ALPL: variants seen among roughly 807,000 people sequenced by gnomAD.
ALPL encodes the protein alkaline phosphatase, tissue-nonspecific isozyme.
Under a neutral mutation model 51.3 loss-of-function variants are expected in ALPL, and 42 were observed. The observed-to-expected ratio is 0.82, with a 90% confidence interval of 0.64 to 1.06. The LOEUF is 1.06. ALPL is among the 50% of genes least tolerant of loss of function. The pLI is 0.00. For synonymous variants in ALPL, 279 were observed against 296.4 expected, an observed-to-expected ratio of 0.94 and a Z score of 0.60; for missense variants, 589 against 709.4, an observed-to-expected ratio of 0.83 and a Z score of 1.93.
intron 5 of ALPL, among the ~76,000 whole-genome samples, chr1:21,563,781 G>A (rs1374016562): frequency 6.6e-6 from 1 of 152,152 alleles, no homozygotes; most frequent in South Asian, 2.1e-4. Context: ...TTGATGAAGG[G>A]GAGGACTCCA....
intron 1 of ALPL, among the ~76,000 whole-genome samples, chr1:21,543,234 G>T (rs1276959953): frequency 2.6e-5 from 4 of 152,056 alleles, no homozygotes; most frequent in African/African-American, 4.8e-5. Flanking sequence ...TTATTTAGGG[G>T]GCTGTTATGT....
intron 2 of ALPL, among the ~76,000 whole-genome samples, chr1:21,558,136 C>T (rs188042280): frequency 1.0e-3 from 155 of 152,362 alleles, no homozygotes; most frequent in African/African-American, 3.4e-3. Flanking sequence ...TTCTCAGGGA[C>T]AGGCCCTGGG....
intron 1 of ALPL, among the ~76,000 whole-genome samples, chr1:21,544,842 A>T (rs952004576): frequency 1.3e-5 from 2 of 152,238 alleles, no homozygotes; most frequent in African/African-American, 4.8e-5. Context: ...CACTTGTGCT[A>T]AATGTGATAT....
At chr1:21,551,110 C>G (rs532925189) in intron 1 of ALPL, among the ~76,000 whole-genome samples, 4 of 152,176 alleles carry the variant, frequency 2.6e-5, no homozygotes, top group Non-Finnish European at 5.9e-5. Context: ...GGTAGTTAAA[C>G]ATCTTCACGA....
chr1:21,530,918 C>A (rs908778609), intron 1 of ALPL, among the ~76,000 whole-genome samples: 3 of 150,102 alleles, frequency 2.0e-5, no homozygotes, highest in African/African-American at 7.4e-5. Context: ...GTAGCTGGGA[C>A]CACAGGCGTG....
intron 1 of ALPL, among the ~76,000 whole-genome samples, chr1:21,552,744 GTTTTA>G (rs950420788): frequency 1.3e-5 from 2 of 152,122 alleles, no homozygotes; most frequent in African/African-American, 4.8e-5. Flanking sequence ...TTTAAAAAAT[GTTTTA>G]TTTTGTTTTT....
In ALPL at chr1:21,573,688, C is replaced by T. The variant is rs2148184336; in HGVS notation, c.886C>T (p.Gln296Ter). ...AGGTCTCTTCGAGCCAGGGGACATG[C>T]AGTACGAGCTGAACAGGAACAACGT... is the stretch of plus-strand genomic sequence containing the variant. ...LLGLFEPGDM[Q>*]YELNRNNVTD... The change falls in exon 9 of 12, where the codon CAG becomes TAG. Residue 296 changes from glutamine to a stop codon, truncating the protein, a stop_gained. Coordinates refer to ENST00000374840, the MANE Select transcript of ALPL (RefSeq NM_000478.6). LOFTEE classifies it high-confidence loss of function. The T allele has an allele frequency of 2.5e-6, 4 of 1,613,960 alleles. No homozygotes were observed. The highest frequency in any genetic ancestry group is 3.4e-6 in the Non-Finnish European group (4 of 1,179,960).
chr1:21,536,167 A>AT (rs1644103066), intron 1 of ALPL, among the ~76,000 whole-genome samples: 1 of 152,216 alleles, frequency 6.6e-6, no homozygotes, highest in Non-Finnish European at 1.5e-5. Flanking sequence ...CTGCAGGGCT[A>AT]TTAGACAAGT....
chr1:21,577,799 C>T lies in ALPL; in HGVS notation c.*151C>T, dbSNP rs532269853. The T allele has an allele frequency of 2.1e-5, 22 of 1,065,608 alleles. No individual in the cohort carries two copies. The highest frequency in any genetic ancestry group is 1.6e-4 in the South Asian group (10 of 62,624). The allele number at this position is 1,065,608 out of a possible 1,614,324, so 66.0% of individuals were successfully genotyped here. A position where few individuals can be genotyped will look rare whatever the true frequency, so the allele number is the denominator to read the frequency against. On this transcript the variant is annotated 3_prime_UTR_variant, in exon 12 of 12. Coordinates refer to ENST00000374840, the MANE Select transcript of ALPL (RefSeq NM_000478.6). Reference sequence around the variant, plus strand: ...AGAAACCAAAGTCTGCCGCCCACCTCGCTCCCCTCTGGAATCTTCCCCAAG... The same window carrying T: ...AGAAACCAAAGTCTGCCGCCCACCTTGCTCCCCTCTGGAATCTTCCCCAAG...
At chr1:21,550,533 C>A (rs1335455233) in intron 1 of ALPL, among the ~76,000 whole-genome samples, 1 of 152,126 alleles carries the variant, frequency 6.6e-6, no homozygotes, top group Non-Finnish European at 1.5e-5. Flanking sequence ...ATAGATTGTT[C>A]ATGTAAGCTC....
intron 1 of ALPL, among the ~76,000 whole-genome samples, chr1:21,519,688 G>C (rs944280722): frequency 7.9e-5 from 12 of 152,310 alleles, no homozygotes; most frequent in African/African-American, 2.6e-4. Context: ...TTCCAGCTAT[G>C]TGGGAGGCTG....
In ALPL at chr1:21,561,167, G is replaced by A. The variant is rs1270898904; in HGVS notation, c.252G>A (p.Glu84=). The change falls in exon 4 of 12, where the codon GAG becomes GAA. Residue 84 remains glutamate, a synonymous_variant. Transcript: ENST00000374840. ...AGCTCCACCACAACCCTGGGGAGGA[G>A]ACCAGGCTGGAGATGGACAAGTTCC... The part of the protein sequence containing the change: ...KGQLHHNPGE[E]TRLEMDKFPF... 1.2e-6 allele frequency: 2 copies of A among 1,613,560 alleles called. No homozygotes were observed. The highest frequency in any genetic ancestry group is 2.2e-5 in the East Asian group (1 of 44,860).
chr1:21,552,105 T>TCCCCCCCCCCCCCCCCCCCCCCC (rs1558542001), intron 1 of ALPL, among the ~76,000 whole-genome samples: 1 of 22,842 alleles, frequency 4.4e-5, no homozygotes, highest in Non-Finnish European at 7.0e-5. Flanking sequence ...TCCCTTCCCT[T>TCCCCCCCCCCCCCCCCCCCCCCC]TCCTCCCCTT....
At position 21,509,442 on chromosome 1, in the gene ALPL, AC is replaced by A. The variant is rs1202724567; in HGVS notation, c.-179del. 1 of 151,692 alleles carries A rather than the reference AC, an allele frequency of 6.6e-6. No individual in the cohort carries two copies. The highest frequency in any genetic ancestry group is 2.4e-5 in the African/African-American group (1 of 41,310). The allele number at this position is 151,692 out of a possible 1,614,324, so 9.4% of individuals were successfully genotyped here. On this transcript the variant is annotated 5_prime_UTR_variant, in exon 1 of 12. Transcript: ENST00000374840. This position sits in a 1 kb window ranked among gnomAD's most constrained non-coding sequence, Gnocchi z 6.0. ...GCCCGGGCCGCGTTGCGCTCCCGCC[AC>A]TCCGCGCCCGCTATCCTGGCTCCGT...
chr1:21,573,692 A>G lies in ALPL; in HGVS notation c.890A>G (p.Tyr297Cys), dbSNP rs1470282239. The G allele has an allele frequency of 6.2e-7, 1 of 1,613,866 alleles. No homozygotes were observed. The highest frequency in any genetic ancestry group is 8.5e-7 in the Non-Finnish European group (1 of 1,179,962). Residue 297 changes from tyrosine (Y) to cysteine (C), a missense_variant, in exon 9 of 12, where the codon TAC becomes TGC. Transcript: ENST00000374840. ...CTCTTCGAGCCAGGGGACATGCAGT[A>G]CGAGCTGAACAGGAACAACGTGACG... ...LGLFEPGDMQ[Y>C]ELNRNNVTDP...
intron 5 of ALPL, 24 bp downstream of exon 5, chr1:21,563,308 G>C (rs1323474661): frequency 6.2e-7 from 1 of 1,600,180 alleles, no homozygotes; most frequent in Non-Finnish European, 8.5e-7. Context: ...GCAGTGGGGA[G>C]CAGGGCCAGC....
chr1:21,522,824 A>G (rs943620251), intron 1 of ALPL, among the ~76,000 whole-genome samples: 11 of 152,174 alleles, frequency 7.2e-5, no homozygotes, highest in African/African-American at 1.2e-4. Flanking sequence ...TTAGAGAAGA[A>G]ATGACAGCGG....
rs199665722 is a variant in ALPL, at chr1:21,568,123, G to A, written c.668G>A (p.Arg223Gln). ...TTTTAGGTGATCATGGGGGGTGGCC[G>A]GAAATACATGTACCCCAAGAATAAA... is the stretch of plus-strand genomic sequence containing the variant. The part of the protein sequence containing the change: ...RDIDVIMGGG[R>Q]KYMYPKNKTD... Residue 223 changes from arginine to glutamine, a missense_variant, in exon 7 of 12, where the codon CGG (arginine) becomes CAG (glutamine). Physicochemically the swap from Arg to Gln is conservative, Grantham distance 43. Coordinates refer to ENST00000374840, the MANE Select transcript of ALPL (RefSeq NM_000478.6). The A allele has an allele frequency of 2.3e-5, 37 of 1,613,922 alleles. No homozygotes were observed. The highest frequency in any genetic ancestry group is 2.8e-5 in the Non-Finnish European group (33 of 1,180,038).
intron 1 of ALPL, among the ~76,000 whole-genome samples, chr1:21,533,933 A>AG (rs1644063757): frequency 1.0e-5 from 1 of 95,848 alleles, no homozygotes; most frequent in East Asian, 3.9e-4. Flanking sequence ...TCAAAAAAAA[A>AG]AAAAGAAGAA....
Sources: allele counts gnomAD v4.1 joint callset (sites outside exome capture counted in the v4.1 genomes callset), GRCh38; gene constraint gnomAD v4.1.1; non-coding constraint Gnocchi (gnomAD v3.1); transcripts MANE v1.5; gene names NCBI Gene and HGNC (gene_info 2026-07-23, HGNC 2026-07-21).